The following SETDB2 variants were observed in gnomAD, a reference collection of about 807,000 sequenced individuals.
SETDB2 encodes the protein SET domain bifurcated histone lysine methyltransferase 2, also known as histone-lysine N-methyltransferase SETDB2.
SETDB2 carries 56 observed loss-of-function variants against 82.5 expected under a neutral mutation model. The ratio of observed to expected loss-of-function variants is 0.68; its 90% confidence interval spans 0.55 to 0.85. SETDB2 has a LOEUF of 0.85. Among genes scored for constraint, SETDB2 ranks in the 40% least tolerant of loss-of-function variants. The pLI is 0.00. For synonymous variants in SETDB2, 272 were observed against 284.9 expected (o/e 0.95, Z 0.46); for missense variants, 677 against 816.4 (o/e 0.83, Z 2.08).
Position 49,493,291 on chromosome 13 carries a change from A to G in SETDB2, c.*1442A>G, listed in dbSNP as rs1958746575. The stretch of plus-strand genomic sequence containing the variant: ...ATGCACTAAAATGAAATGGGGGAAA[A>G]AAGCTTGATCAGTATGGGAACCATT... On this transcript the variant is annotated 3_prime_UTR_variant, in exon 14 of 14. Transcript: ENST00000611815. The G allele has an allele frequency of 6.6e-6, 1 of 152,234 alleles. No homozygotes were observed. The allele number at this position is 152,234 out of a possible 1,614,324, so 9.4% of individuals were successfully genotyped here.
rs58715452 is a variant in SETDB2, at chr13:49,489,596, CTTTTTTTT to C, written c.1917+978_1917+985del. On this transcript the variant is annotated intron_variant, in intron 12 of 13. Transcript: ENST00000611815. The stretch of plus-strand genomic sequence containing the variant: ...CTCTCTGTAGGTCATCATATTTATT[CTTTTTTTT>C]TTTTTTTTTTTGAGACCGAGTCTTG... Among the ~76,000 whole-genome samples, 44 of 100,570 alleles carry C rather than the reference CTTTTTTTT, an allele frequency of 4.4e-4. No homozygotes were observed. In the Admixed American group the frequency reaches 5.3e-3, roughly 12 times the overall value. 66.0% of individuals were successfully genotyped at this position (100,570 alleles called of 152,430 possible).
chr13:49,455,545 A>T (rs1957866993), intron 2 of SETDB2, among the ~76,000 whole-genome samples: 1 of 152,118 alleles, frequency 6.6e-6, no homozygotes, highest in African/African-American at 2.4e-5. Context: ...ATAGCTACTG[A>T]TCTCATTTTA....
chr13:49,489,792 C>T (rs1305545181), intron 12 of SETDB2, among the ~76,000 whole-genome samples: 5 of 149,422 alleles, frequency 3.3e-5, no homozygotes, highest in African/African-American at 9.8e-5. Flanking sequence ...GACACAATTT[C>T]ACCATGTTGG....
At chr13:49,485,873 A>G (rs1371402469) in intron 11 of SETDB2, 150 bp downstream of exon 11, 4 of 811,866 alleles carry the variant, frequency 4.9e-6, no homozygotes, top group Non-Finnish European at 8.8e-6. Flanking sequence ...AGATCAGCAA[A>G]ATATCGTGTG....
intron 3 of SETDB2, among the ~76,000 whole-genome samples, 192 bp from the exon 4 acceptor site, chr13:49,460,905 C>A (rs1010372024): frequency 8.5e-5 from 13 of 152,162 alleles, no homozygotes; most frequent in Non-Finnish European, 1.9e-4. Context: ...TGTACTACTT[C>A]TTAGCTGAAT....
rs567180858 is a variant in SETDB2, at chr13:49,482,291, A to G, written c.1157-446A>G. ...AACTTTAGACCAAGATTTTAGTGTTATGCAGAACTTAATATGACAACACTA... is the reference window on the plus strand; with the variant it reads ...AACTTTAGACCAAGATTTTAGTGTTGTGCAGAACTTAATATGACAACACTA... On this transcript the variant is annotated intron_variant, in intron 8 of 13. Transcript: ENST00000611815. The G allele has an allele frequency of 4.1e-6, 4 of 985,438 alleles. No individual in the cohort carries two copies. The South Asian group carries it at 1.4e-4, about 35-fold the overall frequency. The allele number at this position is 985,438 out of a possible 1,614,324, so 61.0% of individuals were successfully genotyped here.
At chr13:49,460,874 A>G (rs1252550195) in intron 3 of SETDB2, among the ~76,000 whole-genome samples, 1 of 152,184 alleles carries the variant, frequency 6.6e-6, no homozygotes, top group Non-Finnish European at 1.5e-5. Flanking sequence ...TGAGTCAGAT[A>G]AATCTAGATT....
rs767951529 is a variant in SETDB2, at chr13:49,490,920, T to C, written c.2006+10T>C. On this transcript the variant is annotated intron_variant, in intron 13 of 13. Transcript: ENST00000611815. ...CATTCTTCACCAACAGGTTTGAAAT[T>C]GATTTCGCTTACTTAATTCTGAAAT... The C allele has an allele frequency of 6.2e-7, 1 of 1,601,134 alleles. No homozygotes were observed. The highest frequency in any genetic ancestry group is 8.6e-7 in the Non-Finnish European group (1 of 1,168,636).
chr13:49,485,737 C>G lies in SETDB2; in HGVS notation c.1576+14C>G, dbSNP rs1958584858. 3 of 1,602,142 alleles carry G rather than the reference C, an allele frequency of 1.9e-6. No homozygotes were observed. In the African/African-American group the frequency reaches 4.0e-5, roughly 21 times the overall value. On this transcript the variant is annotated intron_variant, in intron 11 of 13. Transcript: ENST00000611815. Reference sequence around the variant, plus strand: ...AGGGAGCACAAAGTAGGCTTTGTTTCTTCTGTGAATGCCTACCTCTTCTGC... The same window carrying G: ...AGGGAGCACAAAGTAGGCTTTGTTTGTTCTGTGAATGCCTACCTCTTCTGC...
At chr13:49,487,763 TCTA>T (rs1958625260) in intron 11 of SETDB2, among the ~76,000 whole-genome samples, 1 of 152,256 alleles carries the variant, frequency 6.6e-6, no homozygotes, top group African/African-American at 2.4e-5. Flanking sequence ...TGAATGGTCA[TCTA>T]GTAAAACACC....
At chr13:49,466,455 TGTG>T (rs1958116015) in intron 4 of SETDB2, among the ~76,000 whole-genome samples, 1 of 138,770 alleles carries the variant, frequency 7.2e-6, no homozygotes, top group Non-Finnish European at 1.5e-5. Flanking sequence ...AAAAAAAAAA[TGTG>T]GAGTCTAGTT....
chr13:49,461,192 T>TA, intron 4 of SETDB2, 30 bp downstream of exon 4: 2 of 1,445,260 alleles, frequency 1.4e-6, no homozygotes, highest in Middle Eastern at 3.6e-4. Context: ...CATTGTAGAG[T>TA]ATTCTCTGAT....
At chr13:49,451,506 T>G (rs1304026016) in intron 1 of SETDB2, 47 bp from the exon 2 acceptor site, 1 of 143,666 alleles carries the variant, frequency 7.0e-6, no homozygotes, top group Non-Finnish European at 1.5e-5. Flanking sequence ...TATATATATA[T>G]GTGGTCCTTT....
chr13:49,471,145 AT>A lies in SETDB2; in HGVS notation c.305+3197del, dbSNP rs34400700. Among the ~76,000 whole-genome samples the A allele has an allele frequency of 1.4e-3, 195 of 142,610 alleles. 1 individual carries two copies. The highest frequency in any genetic ancestry group is 1.9e-3 in the Non-Finnish European group (123 of 65,606). 93.6% of individuals were successfully genotyped at this position (142,610 alleles called of 152,430 possible). A position where few individuals can be genotyped will look rare whatever the true frequency, so the allele number is the denominator to read the frequency against. On this transcript the variant is annotated intron_variant, in intron 5 of 13. Coordinates refer to ENST00000611815, the MANE Select transcript of SETDB2 (RefSeq NM_001160308.3). Reference sequence around the variant, plus strand: ...CCACCACACCTGGCTAATTTTTAACATTTTTTTTTTTTGTAGCGATGTGGTC... The same window carrying A: ...CCACCACACCTGGCTAATTTTTAACATTTTTTTTTTTGTAGCGATGTGGTC...
At position 49,476,675 on chromosome 13, in the gene SETDB2, A is replaced by G; in HGVS notation, c.505A>G (p.Asn169Asp). The change falls in exon 6 of 14, where the codon AAC becomes GAC. Residue 169 changes from asparagine to aspartate, a missense_variant. Coordinates refer to ENST00000611815, the MANE Select transcript of SETDB2 (RefSeq NM_001160308.3). ...CHFQRRHAKT[N>D]SHSSALHVSY... ...CTTCCAAAGACGACATGCAAAGACA[A>G]ACTCTCATTCTTCAGCACTCCACGT... 6.2e-7 allele frequency: 1 copy of G among 1,614,168 alleles called. No individual in the cohort carries two copies. The highest frequency in any genetic ancestry group is 8.5e-7 in the Non-Finnish European group (1 of 1,180,036).
chr13:49,461,383 TAAC>T (rs1349000070), intron 4 of SETDB2, among the ~76,000 whole-genome samples: 10 of 152,314 alleles, frequency 6.6e-5, no homozygotes, highest in Admixed American at 4.6e-4. Flanking sequence ...GGGAAAGAAT[TAAC>T]AAATGTGTGT....
Position 49,491,747 on chromosome 13 carries a change from A to G in SETDB2, c.2022A>G (p.Arg674=). The G allele has an allele frequency of 1.2e-6, 2 of 1,611,746 alleles. No homozygotes were observed. Among genetic ancestry groups the G allele is most frequent in the South Asian group, 2.2e-5 (2 of 90,548 alleles). Residue 674 remains arginine (R), a synonymous_variant, in exon 14 of 14, where the codon AGA becomes AGG. Coordinates refer to ENST00000611815, the MANE Select transcript of SETDB2 (RefSeq NM_001160308.3). ...AFFTNRYVKA[R]TELTWDYGYE... The stretch of plus-strand genomic sequence containing the variant: ...TACTTTCTAGGTATGTGAAAGCAAG[A>G]ACAGAGCTAACATGGGATTATGGCT...
At position 49,480,202 on chromosome 13, in the gene SETDB2, C is replaced by CA; in HGVS notation, c.870-16dup. On this transcript the variant is annotated splice_polypyrimidine_tract_variant and intron_variant, in intron 6 of 13. Coordinates refer to ENST00000611815, the MANE Select transcript of SETDB2 (RefSeq NM_001160308.3). ...GCTGCTTTTTCATTCTTTCTCCATCCATTGCCTGCCTTTTAGAACAAAATG... is the reference window on the plus strand; with the variant it reads ...GCTGCTTTTTCATTCTTTCTCCATCCAATTGCCTGCCTTTTAGAACAAAATG... 1 of 1,529,714 alleles carries CA rather than the reference C, an allele frequency of 6.5e-7. No individual in the cohort carries two copies. Among genetic ancestry groups the CA allele is most frequent in the South Asian group, 1.2e-5 (1 of 85,156 alleles). 94.8% of individuals were successfully genotyped at this position (1,529,714 alleles called of 1,614,324 possible).
At chr13:49,473,470 G>A (rs1280504986) in intron 5 of SETDB2, among the ~76,000 whole-genome samples, 1 of 149,928 alleles carries the variant, frequency 6.7e-6, no homozygotes, top group Admixed American at 6.7e-5. Flanking sequence ...AGGATTGCAT[G>A]AGCCCAGGAG....
Sources: gnomAD v4.1 joint callset for allele counts (sites outside exome capture counted in the v4.1 genomes callset) on GRCh38, gnomAD v4.1.1 for gene constraint, MANE v1.5 for transcripts, NCBI Gene and HGNC (gene_info 2026-07-23, HGNC 2026-07-21) for gene names.